PEAK1: variants seen among roughly 807,000 people sequenced by gnomAD.
The protein encoded by PEAK1 is inactive tyrosine-protein kinase PEAK1.
In PEAK1, 54 loss-of-function variants were observed where a neutral mutation model predicts 124.7. That is an observed-to-expected ratio of 0.43 (90% CI 0.35 to 0.54). The LOEUF is 0.54. Ranked by LOEUF, PEAK1 falls within the 20% of genes least tolerant of loss-of-function variation. The pLI is 0.01. For missense variants in PEAK1, 2,046 were observed against 2,134.5 expected (o/e 0.96, Z 0.82); for synonymous variants, 719 against 760.0 (o/e 0.95, Z 0.89).
chr15:77,268,702 G>T (rs1279834263), intron 5 of PEAK1, among the ~76,000 whole-genome samples: 1 of 151,990 alleles, frequency 6.6e-6, no homozygotes, highest in African/African-American at 2.4e-5. Context: ...CACCACCTAG[G>T]CACATAGTCA....
At chr15:77,137,579 C>A (rs1278800535) in intron 8 of PEAK1, among the ~76,000 whole-genome samples, 1 of 152,122 alleles carries the variant, frequency 6.6e-6, no homozygotes, top group Non-Finnish European at 1.5e-5. Context: ...GGCCTGTAGC[C>A]CCTTTGTTCT....
intron 9 of PEAK1, among the ~76,000 whole-genome samples, chr15:77,120,300 T>C (rs2051795638): frequency 1.3e-5 from 2 of 152,204 alleles, no homozygotes; most frequent in African/African-American, 4.8e-5. Flanking sequence ...ACCCTTGTCT[T>C]TGGGCTTTAG....
intron 1 of PEAK1, among the ~76,000 whole-genome samples, chr15:77,417,011 C>G (rs2072933228): frequency 6.6e-6 from 1 of 151,952 alleles, no homozygotes; most frequent in Non-Finnish European, 1.5e-5. Context: ...GATGTACTTT[C>G]CCTCTTTCTG....
intron 5 of PEAK1, among the ~76,000 whole-genome samples, chr15:77,281,873 G>A (rs1043932495): frequency 1.3e-5 from 2 of 152,004 alleles, no homozygotes; most frequent in Non-Finnish European, 2.9e-5. Context: ...ACAAATGCAG[G>A]CCAACAGATT....
In PEAK1 at chr15:77,114,443, C is replaced by A; in HGVS notation, c.4954G>T (p.Glu1652Ter). ...ASCLLNPNPS[E>*]RILISDAKGI... Reference sequence around the variant, plus strand: ...TTGGCGTCTGAAATGAGGATCCGCTCAGAAGGGTTGGGATTCAGGAGGCAG... The same window carrying A: ...TTGGCGTCTGAAATGAGGATCCGCTAAGAAGGGTTGGGATTCAGGAGGCAG... The change falls in exon 10 of 10, where the codon GAG becomes TAG. Residue 1652 changes from glutamate to a stop codon, truncating the protein, a stop_gained. Transcript: ENST00000682557. LOFTEE classifies it high-confidence loss of function. 6.2e-7 allele frequency: 1 copy of A among 1,614,026 alleles called. No individual in the cohort carries two copies. The highest frequency in any genetic ancestry group is 8.5e-7 in the Non-Finnish European group (1 of 1,180,008).
chr15:77,191,423 A>G (rs1283538046), intron 6 of PEAK1, among the ~76,000 whole-genome samples: 1 of 152,124 alleles, frequency 6.6e-6, no homozygotes, highest in Admixed American at 6.5e-5. Flanking sequence ...ATCTTGACAT[A>G]CCAATTGGGC....
intron 6 of PEAK1, among the ~76,000 whole-genome samples, 170 bp from the exon 7 acceptor site, chr15:77,182,210 T>C (rs998822402): frequency 6.6e-6 from 1 of 152,200 alleles, no homozygotes; most frequent in South Asian, 2.1e-4. Context: ...CCAATCAGCA[T>C]TTGGAAAGTG....
In PEAK1 at chr15:77,108,243, G is replaced by C. The variant is rs1335719020; in HGVS notation, c.*5913C>G. 6.6e-6 allele frequency: 1 copy of C among 152,188 alleles called. No individual in the cohort carries two copies. The highest frequency in any genetic ancestry group is 2.4e-5 in the African/African-American group (1 of 41,428). The allele number at this position is 152,188 out of a possible 1,614,324, so 9.4% of individuals were successfully genotyped here. ...AGCAAAGTACCACAGCAAACCAAAG[G>C]GTGGCACCACTGCTGGCAGAGAGGA... On this transcript the variant is annotated 3_prime_UTR_variant, in exon 10 of 10. Transcript: ENST00000682557.
In PEAK1 at chr15:77,179,157, G is replaced by C; in HGVS notation, c.2770C>G (p.Arg924Gly). ...SRRAADAKPKRWISFKSFFRR... is the reference protein window; with the variant it reads ...SRRAADAKPKGWISFKSFFRR... ...AAGAAGCTTTTAAATGATATCCAGC[G>C]CTTAGGTTTTGCATCAGCTGCCCGC... The change falls in exon 7 of 10, where the codon CGC becomes GGC. Residue 924 changes from arginine to glycine, a missense_variant. Arg to Gly is a moderately radical substitution (Grantham distance 125). Coordinates refer to ENST00000682557, the MANE Select transcript of PEAK1 (RefSeq NM_001385026.1). 1 of 1,614,112 alleles carries C rather than the reference G, an allele frequency of 6.2e-7. No individual in the cohort carries two copies. The highest frequency in any genetic ancestry group is 8.5e-7 in the Non-Finnish European group (1 of 1,180,040).
In PEAK1 at chr15:77,189,074, G is replaced by A. The variant is rs576263331; in HGVS notation, c.-114-7034C>T. Among the ~76,000 whole-genome samples, 204 of 152,154 alleles carry A rather than the reference G, an allele frequency of 1.3e-3. 1 individual carries two copies. The highest frequency in any genetic ancestry group is 4.8e-3 in the African/African-American group (199 of 41,516). ...AAATTAGCCAGGCGTGGTGGTGCGC[G>A]CCTGTAGTCCCAGCTACTCAGAAAG... On this transcript the variant is annotated intron_variant, in intron 6 of 9. Coordinates refer to ENST00000682557, the MANE Select transcript of PEAK1 (RefSeq NM_001385026.1).
rs553358978 is a variant in PEAK1 at position 77,343,451 on chromosome 15, A to G, written c.-603+21712T>C. ...TGTTAATAGTGTCCTTTGATGCACAAAAGTTTTTAATTTTAGTAAAGTCCA... is the reference window on the plus strand; with the variant it reads ...TGTTAATAGTGTCCTTTGATGCACAGAAGTTTTTAATTTTAGTAAAGTCCA... On this transcript the variant is annotated intron_variant, in intron 2 of 9. Coordinates refer to ENST00000682557, the MANE Select transcript of PEAK1 (RefSeq NM_001385026.1). Among the ~76,000 whole-genome samples, 13 of 151,188 alleles carry G rather than the reference A, an allele frequency of 8.6e-5. No individual in the cohort carries two copies. The South Asian group carries it at 2.1e-3, about 24-fold the overall frequency.
At chr15:77,371,508 TACCACCACCACCACC>T (rs71145817) in intron 1 of PEAK1, 8 of 674,206 alleles carry the variant, frequency 1.2e-5, no homozygotes, top group Admixed American at 6.3e-5. Flanking sequence ...ACTACACACA[TACCACCACCACCACC>T]ACCACCACCA....
At chr15:77,393,328 ACT>A (rs1012189289) in intron 1 of PEAK1, among the ~76,000 whole-genome samples, 10 of 152,164 alleles carry the variant, frequency 6.6e-5, no homozygotes, top group African/African-American at 2.4e-4. Context: ...CACTCCCCAC[ACT>A]GTCCCCCACA....
At chr15:77,353,996 A>C (rs17385296) in intron 2 of PEAK1, among the ~76,000 whole-genome samples, 31,788 of 151,984 alleles carry the variant, frequency 0.21, 4,122 homozygotes, top group Middle Eastern at 0.29. Flanking sequence ...TTGTCCACTA[A>C]ATCTAAATGT....
chr15:77,346,546 C>T, intron 2 of PEAK1: 2 of 985,342 alleles, frequency 2.0e-6, no homozygotes, highest in African/African-American at 1.7e-5. Flanking sequence ...ACCCACCTGG[C>T]AAGCAGAAAA....
At chr15:77,265,966 T>G (rs531679230) in intron 5 of PEAK1, among the ~76,000 whole-genome samples, 1 of 152,250 alleles carries the variant, frequency 6.6e-6, no homozygotes, top group East Asian at 1.9e-4. Flanking sequence ...GGGACATGGA[T>G]GAAATTGGAA....
intron 2 of PEAK1, among the ~76,000 whole-genome samples, chr15:77,305,148 A>C (rs1484406366): frequency 9.5e-6 from 1 of 105,478 alleles, no homozygotes; most frequent in African/African-American, 2.9e-5. Context: ...GTTTCAAAAA[A>C]AGGAAGGAAG....
chr15:77,215,910 ATATT>A (rs749500686), intron 6 of PEAK1, among the ~76,000 whole-genome samples: 1 of 19,878 alleles, frequency 5.0e-5, no homozygotes, highest in Non-Finnish European at 2.4e-4. Flanking sequence ...GATATATTTT[ATATT>A]TATATTTATA....
Position 77,133,427 on chromosome 15 carries a change from C to T in PEAK1, c.3655G>A (p.Glu1219Lys). ...GGTCTCTCCTTGCGCAAAGGCCTTT[C>T]CAAGGAGTCATAAGACTCAATGTCC... is the stretch of plus-strand genomic sequence containing the variant. ...GLDIESYDSL[E>K]RPLRKERPVP... Residue 1219 changes from glutamate to lysine, a missense_variant, in exon 9 of 10, where the codon GAA (glutamate) becomes AAA (lysine). Coordinates refer to ENST00000682557, the MANE Select transcript of PEAK1 (RefSeq NM_001385026.1). This position sits in a 1 kb window ranked among gnomAD's most constrained non-coding sequence, Gnocchi z 4.2. 1 of 1,614,196 alleles carries T rather than the reference C, an allele frequency of 6.2e-7. No individual in the cohort carries two copies. Among genetic ancestry groups the T allele is most frequent in the Non-Finnish European group, 8.5e-7 (1 of 1,180,040 alleles).
Sources: gnomAD v4.1 joint callset for allele counts (sites outside exome capture counted in the v4.1 genomes callset) on GRCh38, gnomAD v4.1.1 for gene constraint, Gnocchi (gnomAD v3.1) non-coding constraint, MANE v1.5 for transcripts, NCBI Gene and HGNC (gene_info 2026-07-23, HGNC 2026-07-21) for gene names.